Variants in SYN3 observed in about 807,000 individuals in gnomAD.
The protein encoded by SYN3 is synapsin-3.
A neutral mutation model predicts 65.8 loss-of-function variants in SYN3; 35 were observed. The ratio of observed to expected loss-of-function variants is 0.53; its 90% CI spans 0.41 to 0.70. SYN3 has a LOEUF of 0.70. Ranked by LOEUF, SYN3 falls within the 30% of genes least tolerant of loss-of-function variation. The probability of loss-of-function intolerance (pLI) is 0.00; values close to 1 mark genes in which losing one functional copy is unlikely to be tolerated. For synonymous variants in SYN3, 270 were observed against 292.9 expected, an observed-to-expected ratio of 0.92 and a Z score of 0.80; for missense variants, 680 against 749.0, an observed-to-expected ratio of 0.91 and a Z score of 1.08.
chr22:32,701,703 G>A (rs1239015142), intron 6 of SYN3, among the ~76,000 whole-genome samples: 1 of 152,164 alleles, frequency 6.6e-6, no homozygotes, highest in African/African-American at 2.4e-5. Flanking sequence ...TGAAGTTGAA[G>A]CTGTAGCAAT....
chr22:32,814,844 C>T (rs376965234), intron 6 of SYN3, among the ~76,000 whole-genome samples: 3 of 151,892 alleles, frequency 2.0e-5, no homozygotes, highest in African/African-American at 7.3e-5. Context: ...TGTGGCTACA[C>T]GTGAGCCATG....
chr22:32,971,346 G>C (rs2052013128), intron 3 of SYN3, among the ~76,000 whole-genome samples: 1 of 152,116 alleles, frequency 6.6e-6, no homozygotes, highest in Non-Finnish European at 1.5e-5. Context: ...GGCCTCCATG[G>C]AGACCTGCAC....
At chr22:33,016,563 T>G (rs1396687310) in intron 1 of SYN3, among the ~76,000 whole-genome samples, 1 of 152,220 alleles carries the variant, frequency 6.6e-6, no homozygotes, top group Non-Finnish European at 1.5e-5. Context: ...GCTCCAACAC[T>G]TGTATCTGAC....
intron 6 of SYN3, among the ~76,000 whole-genome samples, chr22:32,849,026 G>A (rs1601533402): frequency 6.6e-6 from 1 of 152,314 alleles, no homozygotes; most frequent in Admixed American, 6.5e-5. Context: ...AGCCCCAAAT[G>A]AGGTGGTTAG....
intron 1 of SYN3, among the ~76,000 whole-genome samples, chr22:33,043,616 C>A (rs895174750): frequency 1.3e-5 from 2 of 152,090 alleles, no homozygotes; most frequent in Non-Finnish European, 2.9e-5. Flanking sequence ...GGTTAATATC[C>A]CAGCAATTCT....
chr22:32,715,438 T>A (rs960278632), intron 6 of SYN3, among the ~76,000 whole-genome samples: 1 of 152,234 alleles, frequency 6.6e-6, no homozygotes, highest in African/African-American at 2.4e-5. Flanking sequence ...TGAAATAACG[T>A]AAATATTTGT....
chr22:32,830,597 T>C lies in SYN3; in HGVS notation c.711+34318A>G, dbSNP rs372479817. On this transcript the variant is annotated intron_variant, in intron 6 of 13. Transcript: ENST00000358763. ...TCAGCACAGGTCATGCACAGGCAGCTGGGAATAGATATGCGAGTTAAAGGA... is the reference window on the plus strand; with the variant it reads ...TCAGCACAGGTCATGCACAGGCAGCCGGGAATAGATATGCGAGTTAAAGGA... Among the ~76,000 whole-genome samples the C allele has an allele frequency of 7.2e-5, 11 of 152,280 alleles. No individual in the cohort carries two copies. In the East Asian group the frequency reaches 1.9e-3, roughly 27 times the overall value.
chr22:32,871,710 C>T (rs887373919), intron 4 of SYN3, among the ~76,000 whole-genome samples: 2 of 152,098 alleles, frequency 1.3e-5, no homozygotes, highest in South Asian at 2.1e-4. Flanking sequence ...TGGGCTCAAG[C>T]GATCCTCCCA....
chr22:33,027,324 C>T (rs985105998), intron 1 of SYN3, among the ~76,000 whole-genome samples: 1 of 152,064 alleles, frequency 6.6e-6, no homozygotes. Flanking sequence ...AGGCCGGGCA[C>T]GGTGACTCAC....
At chr22:32,930,566 T>A (rs1038958677) in intron 4 of SYN3, among the ~76,000 whole-genome samples, 1 of 151,450 alleles carries the variant, frequency 6.6e-6, no homozygotes, top group Non-Finnish European at 1.5e-5. Flanking sequence ...TCTTAGGATA[T>A]ACTTCTCTTT....
At chr22:32,875,840 C>G (rs1442704829) in intron 4 of SYN3, among the ~76,000 whole-genome samples, 1 of 152,162 alleles carries the variant, frequency 6.6e-6, no homozygotes, top group Non-Finnish European at 1.5e-5. Flanking sequence ...GTCTGGTCCC[C>G]AGAATGATGG....
intron 6 of SYN3, among the ~76,000 whole-genome samples, chr22:32,827,944 C>A (rs921500688): frequency 1.7e-4 from 26 of 152,298 alleles, no homozygotes; most frequent in African/African-American, 5.1e-4. Flanking sequence ...CGTAGAGAGG[C>A]CTTCCTTGCC....
intron 6 of SYN3, among the ~76,000 whole-genome samples, chr22:32,709,090 A>G (rs1227227073): frequency 2.6e-5 from 4 of 152,238 alleles, no homozygotes; most frequent in African/African-American, 9.6e-5. Flanking sequence ...CTCTGGCCAC[A>G]CTGTGGTTGG....
intron 7 of SYN3, among the ~76,000 whole-genome samples, chr22:32,548,832 A>G (rs972186414): frequency 3.3e-5 from 5 of 152,234 alleles, no homozygotes; most frequent in African/African-American, 1.2e-4. Context: ...ATGAAATGGT[A>G]TGCACGCAAG....
chr22:32,957,138 G>A (rs1569356207), intron 3 of SYN3, among the ~76,000 whole-genome samples: 1 of 152,284 alleles, frequency 6.6e-6, no homozygotes, highest in East Asian at 1.9e-4. Flanking sequence ...CCACAGAGGG[G>A]CATAATCTGA....
chr22:32,680,307 C>T (rs902528931), intron 6 of SYN3, among the ~76,000 whole-genome samples: 1 of 152,270 alleles, frequency 6.6e-6, no homozygotes, highest in Non-Finnish European at 1.5e-5. Flanking sequence ...GCACTCCCTT[C>T]TCTGTGCTCC....
At chr22:32,764,686 G>T (rs964199943) in intron 6 of SYN3, among the ~76,000 whole-genome samples, 1 of 152,146 alleles carries the variant, frequency 6.6e-6, no homozygotes, top group Non-Finnish European at 1.5e-5. Flanking sequence ...GACTCTTGGT[G>T]CCTCCCCACT....
chr22:32,881,874 G>A (rs1047719077), intron 4 of SYN3, among the ~76,000 whole-genome samples: 1 of 152,040 alleles, frequency 6.6e-6, no homozygotes, highest in Admixed American at 6.5e-5. Flanking sequence ...TGGCCAATAT[G>A]GTGAAACCCC....
intron 6 of SYN3, among the ~76,000 whole-genome samples, chr22:32,764,017 A>T (rs1230148920): frequency 1.3e-5 from 2 of 149,552 alleles, no homozygotes; most frequent in African/African-American, 4.9e-5. Context: ...GGCTCACTGC[A>T]ACCTCTGCCT....
Sources: gnomAD v4.1 joint callset for allele counts (sites outside exome capture counted in the v4.1 genomes callset) on GRCh38, gnomAD v4.1.1 for gene constraint, MANE v1.5 for transcripts, NCBI Gene and HGNC (gene_info 2026-07-23, HGNC 2026-07-21) for gene names.